C22orf39: variants seen among roughly 807,000 people sequenced by gnomAD.
C22orf39 encodes chromosome 22 open reading frame 39.
C22orf39 carries 20 observed loss-of-function variants against 18.3 expected under a neutral mutation model. The observed-to-expected ratio is 1.09, with a 90% CI of 0.77 to 1.59. The LOEUF is 1.59. C22orf39 is among the 40% of genes most tolerant of loss of function. C22orf39 has a pLI of 0.00. For synonymous variants in C22orf39, 63 were observed against 59.6 expected (o/e 1.06, Z -0.26); for missense variants, 195 against 156.1 (o/e 1.25, Z -1.33).
rs2089646477 is a variant in C22orf39 at position 19,447,270 on chromosome 22, G to A, written c.192+108C>T. 26 of 1,173,198 alleles carry A rather than the reference G, an allele frequency of 2.2e-5. No individual in the cohort carries two copies. In the South Asian group the frequency reaches 4.7e-4, roughly 21 times the overall value. The allele number at this position is 1,173,198 out of a possible 1,614,324, so 72.7% of individuals were successfully genotyped here. ...AGAAAGGAAGCGTGAGGAGGATAGG[G>A]ACCCCGTCAGTCCCCGGCTAGGTCG... On this transcript the variant is annotated intron_variant, in intron 2 of 2. Coordinates refer to ENST00000399562, the MANE Select transcript of C22orf39 (RefSeq NM_173793.5).
Position 19,441,649 on chromosome 22 carries a change from C to G in C22orf39, c.*2616G>C. 4.9e-6 allele frequency: 7 copies of G among 1,414,378 alleles called. No homozygotes were observed. The highest frequency in any genetic ancestry group is 6.8e-6 in the Non-Finnish European group (7 of 1,024,886). 87.6% of individuals were successfully genotyped at this position (1,414,378 alleles called of 1,614,324 possible). ...CCTCAAGTGATTCTTCTGCCTCAGC[C>G]TCCCAAGTAGCTGAGATTACAGGTG... On this transcript the variant is annotated 3_prime_UTR_variant, in exon 3 of 3. Transcript: ENST00000399562.
In C22orf39 at chr22:19,443,862, A is replaced by C; in HGVS notation, c.*403T>G. On this transcript the variant is annotated 3_prime_UTR_variant, in exon 3 of 3. Coordinates refer to ENST00000399562, the MANE Select transcript of C22orf39 (RefSeq NM_173793.5). The stretch of plus-strand genomic sequence containing the variant: ...CCCAAGGACTAGGAAAGACATTCAC[A>C]GTGGCACAACTGTTTAGCTACCTCA... The C allele has an allele frequency of 1.0e-6, 1 of 990,862 alleles. No homozygotes were observed. Among genetic ancestry groups the C allele is most frequent in the Non-Finnish European group, 1.2e-6 (1 of 834,052 alleles). The allele number at this position is 990,862 out of a possible 1,614,324, so 61.4% of individuals were successfully genotyped here. A position where few individuals can be genotyped will look rare whatever the true frequency, so the allele number is the denominator to read the frequency against.
At position 19,444,010 on chromosome 22, in the gene C22orf39, A is replaced by G; in HGVS notation, c.*255T>C. 3 of 1,228,126 alleles carry G rather than the reference A, an allele frequency of 2.4e-6. No individual in the cohort carries two copies. The highest frequency in any genetic ancestry group is 1.0e-6 in the Non-Finnish European group (1 of 984,748). 76.1% of individuals were successfully genotyped at this position (1,228,126 alleles called of 1,614,324 possible). ...CAGCCTGACCTGGCTGCTCACAAGT[A>G]CCTGCCATAATGCTTGGCCTCCTGG... On this transcript the variant is annotated 3_prime_UTR_variant, in exon 3 of 3. Transcript: ENST00000399562.
chr22:19,443,526 C>T lies in C22orf39; in HGVS notation c.*739G>A, dbSNP rs9606020. ...AAATCAGATGAAATAGCTTTTGATACATTAACCACCAGGGGAAATTTTGAG... is the reference window on the plus strand; with the variant it reads ...AAATCAGATGAAATAGCTTTTGATATATTAACCACCAGGGGAAATTTTGAG... On this transcript the variant is annotated 3_prime_UTR_variant, in exon 3 of 3. Transcript: ENST00000399562. 54,349 of 985,644 alleles carry T rather than the reference C, an allele frequency of 0.055. 4,490 individuals are homozygous for T. The highest frequency in any genetic ancestry group is 0.35 in the African/African-American group (19,779 of 57,256). 61.1% of individuals were successfully genotyped at this position (985,644 alleles called of 1,614,324 possible).
chr22:19,444,071 C>G lies in C22orf39; in HGVS notation c.*194G>C. On this transcript the variant is annotated 3_prime_UTR_variant, in exon 3 of 3. Coordinates refer to ENST00000399562, the MANE Select transcript of C22orf39 (RefSeq NM_173793.5). ...GCGGTGCAATTGTCCTGCAGAACAT[C>G]GCAGTGTCAGGGTATCCTGCATGCA... 3 of 1,322,170 alleles carry G rather than the reference C, an allele frequency of 2.3e-6. No individual in the cohort carries two copies. Among genetic ancestry groups the G allele is most frequent in the Non-Finnish European group, 2.9e-6 (3 of 1,042,576 alleles). The allele number at this position is 1,322,170 out of a possible 1,614,324, so 81.9% of individuals were successfully genotyped here. A position where few individuals can be genotyped will look rare whatever the true frequency, so the allele number is the denominator to read the frequency against.
chr22:19,447,145 T>C (rs184065259), intron 2 of C22orf39, among the ~76,000 whole-genome samples: 11 of 75,324 alleles, frequency 1.5e-4, no homozygotes, highest in African/African-American at 5.5e-4. Context: ...CCCTCTTCCC[T>C]CTCTAAACCA....
At chr22:19,444,692 C>T (rs1462533984) in intron 2 of C22orf39, among the ~76,000 whole-genome samples, 3 of 152,258 alleles carry the variant, frequency 2.0e-5, no homozygotes, top group Admixed American at 6.5e-5. Context: ...TCTGGTTGAC[C>T]TCGTGAGTCT....
intron 2 of C22orf39, among the ~76,000 whole-genome samples, chr22:19,444,739 G>A (rs1410630036): frequency 6.6e-6 from 1 of 152,212 alleles, no homozygotes; most frequent in Non-Finnish European, 1.5e-5. Context: ...GCCTGGGGGT[G>A]CTGGGTGGAG....
Position 19,441,913 on chromosome 22 carries a change from G to GCGA in C22orf39, c.*2351_*2352insTCG. 3 of 517,548 alleles carry GCGA rather than the reference G, an allele frequency of 5.8e-6. No homozygotes were observed. Among genetic ancestry groups the GCGA allele is most frequent in the Non-Finnish European group, 1.0e-5 (3 of 297,776 alleles). 32.1% of individuals were successfully genotyped at this position (517,548 alleles called of 1,614,324 possible). On this transcript the variant is annotated 3_prime_UTR_variant, in exon 3 of 3. Coordinates refer to ENST00000399562, the MANE Select transcript of C22orf39 (RefSeq NM_173793.5). ...GGGCTCAAACAATCCTCCTATCTCAGCCTCCGAAGTAGCTGGAACTACAAA... is the reference window on the plus strand; with the variant it reads ...GGGCTCAAACAATCCTCCTATCTCAGCGACCTCCGAAGTAGCTGGAACTACAAA...
At chr22:19,446,079 A>G (rs983635060) in intron 2 of C22orf39, among the ~76,000 whole-genome samples, 1 of 152,056 alleles carries the variant, frequency 6.6e-6, no homozygotes, top group African/African-American at 2.4e-5. Flanking sequence ...GGCCTCCCAA[A>G]GTGCCGAGAT....
Position 19,443,074 on chromosome 22 carries a change from GCACAACC to G in C22orf39, c.*1184_*1190del. The G allele has an allele frequency of 1.7e-5, 16 of 926,904 alleles. No individual in the cohort carries two copies. Among genetic ancestry groups the G allele is most frequent in the South Asian group, 5.0e-5 (1 of 20,074 alleles). 57.4% of individuals were successfully genotyped at this position (926,904 alleles called of 1,614,324 possible). ...TGCTCCTGCTCTTGGGATCCCGTGA[GCACAACC>G]CCCACCCCCACCCCCACTGTTCACA... On this transcript the variant is annotated 3_prime_UTR_variant, in exon 3 of 3. Coordinates refer to ENST00000399562, the MANE Select transcript of C22orf39 (RefSeq NM_173793.5).
chr22:19,442,970 G>T lies in C22orf39; in HGVS notation c.*1295C>A. 1 of 187,060 alleles carries T rather than the reference G, an allele frequency of 5.3e-6. No homozygotes were observed. The highest frequency in any genetic ancestry group is 1.0e-5 in the Non-Finnish European group (1 of 100,014). The allele number at this position is 187,060 out of a possible 1,614,324, so 11.6% of individuals were successfully genotyped here. On this transcript the variant is annotated 3_prime_UTR_variant, in exon 3 of 3. Transcript: ENST00000399562. ...AATGCTCATTATTAAACCAGCCACA[G>T]CCATGCTGGAGGCACCCTGGTTGCC...
intron 2 of C22orf39, 56 bp downstream of exon 2, chr22:19,447,322 G>A (rs1315581430): frequency 5.0e-6 from 7 of 1,387,196 alleles, no homozygotes; most frequent in Non-Finnish European, 4.6e-6. Context: ...GAGGGGTGGG[G>A]AAAGCTGGGC....
At position 19,441,919 on chromosome 22, in the gene C22orf39, G is replaced by A. The variant is rs771799932; in HGVS notation, c.*2346C>T. 3.2e-5 allele frequency: 16 copies of A among 497,050 alleles called. No individual in the cohort carries two copies. Among genetic ancestry groups the A allele is most frequent in the South Asian group, 1.1e-4 (4 of 35,734 alleles). 30.8% of individuals were successfully genotyped at this position (497,050 alleles called of 1,614,324 possible). A position where few individuals can be genotyped will look rare whatever the true frequency, so the allele number is the denominator to read the frequency against. ...AAACAATCCTCCTATCTCAGCCTCC[G>A]AAGTAGCTGGAACTACAAATGCACG... is the stretch of plus-strand genomic sequence containing the variant. On this transcript the variant is annotated 3_prime_UTR_variant, in exon 3 of 3. Transcript: ENST00000399562.
intron 2 of C22orf39, 83 bp downstream of exon 2, chr22:19,447,295 G>A: frequency 3.0e-6 from 4 of 1,325,030 alleles, no homozygotes; most frequent in Non-Finnish European, 3.9e-6. Flanking sequence ...CGGCTAGGTC[G>A]CGGGGCATGG....
chr22:19,444,626 C>T (rs1325216785), intron 2 of C22orf39, among the ~76,000 whole-genome samples: 1 of 152,150 alleles, frequency 6.6e-6, no homozygotes, highest in Non-Finnish European at 1.5e-5. Context: ...CTGAATAGGT[C>T]ATAATAATTT....
At position 19,442,302 on chromosome 22, in the gene C22orf39, A is replaced by G. The variant is rs2089617429; in HGVS notation, c.*1963T>C. On this transcript the variant is annotated 3_prime_UTR_variant, in exon 3 of 3. Transcript: ENST00000399562. ...CCAGAGAGATTATCTGTTGATGTGG[A>G]ACTTGAGTAGTGAAGGAGGAGGCAA... 6.6e-6 allele frequency: 1 copy of G among 152,424 alleles called. No homozygotes were observed. Among genetic ancestry groups the G allele is most frequent in the African/African-American group, 2.4e-5 (1 of 41,456 alleles). 9.4% of individuals were successfully genotyped at this position (152,424 alleles called of 1,614,324 possible).
In C22orf39 at chr22:19,444,443, C is replaced by T. The variant is rs1601878512; in HGVS notation, c.193-53G>A. The T allele has an allele frequency of 1.6e-5, 25 of 1,552,350 alleles. No homozygotes were observed. The East Asian group carries it at 5.7e-4, about 35-fold the overall frequency. The stretch of plus-strand genomic sequence containing the variant: ...CCAGGCTCTGAGCACCCTCAAGACC[C>T]CTGTACCTCCCCCCTCTCATCACCC... On this transcript the variant is annotated intron_variant, in intron 2 of 2. Transcript: ENST00000399562.
In C22orf39 at chr22:19,442,274, T is replaced by C. The variant is rs114377290; in HGVS notation, c.*1991A>G. ...CATAGAAACAAATGCAGGAACATCC[T>C]GTCCAGAGAGATTATCTGTTGATGT... On this transcript the variant is annotated 3_prime_UTR_variant, in exon 3 of 3. Transcript: ENST00000399562. The C allele has an allele frequency of 5.9e-5, 9 of 152,892 alleles. No individual in the cohort carries two copies. The highest frequency in any genetic ancestry group is 2.2e-4 in the African/African-American group (9 of 41,592). The allele number at this position is 152,892 out of a possible 1,614,324, so 9.5% of individuals were successfully genotyped here. A position where few individuals can be genotyped will look rare whatever the true frequency, so the allele number is the denominator to read the frequency against.
Sources: gnomAD v4.1 joint callset for allele counts (sites outside exome capture counted in the v4.1 genomes callset) on GRCh38, gnomAD v4.1.1 for gene constraint, MANE v1.5 for transcripts, NCBI Gene and HGNC (gene_info 2026-07-23, HGNC 2026-07-21) for gene names.